The following MACROD2 variants were observed in gnomAD, a reference collection of about 807,000 sequenced individuals.
MACROD2 encodes ADP-ribose glycohydrolase MACROD2.
Under a neutral mutation model 70.4 loss-of-function variants are expected in MACROD2, and 36 were observed. That is an observed-to-expected ratio of 0.51 (90% CI 0.39 to 0.68). MACROD2 has a LOEUF of 0.68. Among genes scored for constraint, MACROD2 ranks in the 30% least tolerant of loss-of-function variants. MACROD2 has a pLI of 0.00. For synonymous variants in MACROD2, 172 were observed against 178.8 expected, an observed-to-expected ratio of 0.96 and a Z score of 0.30; for missense variants, 496 against 538.4, an observed-to-expected ratio of 0.92 and a Z score of 0.78.
intron 5 of MACROD2, among the ~76,000 whole-genome samples, chr20:14,904,367 A>G (rs1179524483): frequency 6.6e-6 from 1 of 152,208 alleles, no homozygotes; most frequent in African/African-American, 2.4e-5. Context: ...TCCATATAAA[A>G]TATCTTTTAT....
chr20:15,601,478 T>A (rs148276116), intron 8 of MACROD2, among the ~76,000 whole-genome samples: 2 of 151,508 alleles, frequency 1.3e-5, no homozygotes, highest in Non-Finnish European at 1.5e-5. Context: ...AAAGAAAAAA[T>A]CATACTTTGT....
chr20:15,584,069 TA>T (rs2048563312), intron 8 of MACROD2, among the ~76,000 whole-genome samples: 1 of 152,246 alleles, frequency 6.6e-6, no homozygotes, highest in Admixed American at 6.5e-5. Context: ...GGTATTACCC[TA>T]AAGAGTCTTC....
chr20:14,476,045 TAAC>T (rs1465280673), intron 3 of MACROD2, among the ~76,000 whole-genome samples: 1 of 151,878 alleles, frequency 6.6e-6, no homozygotes, highest in Non-Finnish European at 1.5e-5. Context: ...GTCATGAGAT[TAAC>T]AACTTTAGAA....
At chr20:14,270,744 G>T (rs1201701312) in intron 3 of MACROD2, among the ~76,000 whole-genome samples, 1 of 152,154 alleles carries the variant, frequency 6.6e-6, no homozygotes, top group Non-Finnish European at 1.5e-5. Context: ...AATAGGAACA[G>T]CTCTGGTCTA....
At chr20:15,659,702 A>G (rs886111889) in intron 8 of MACROD2, among the ~76,000 whole-genome samples, 3 of 152,148 alleles carry the variant, frequency 2.0e-5, no homozygotes, top group African/African-American at 7.2e-5. Flanking sequence ...GAGGCTGGGT[A>G]ATTTATAAAG....
At chr20:15,306,841 G>A (rs6034152) in intron 6 of MACROD2, among the ~76,000 whole-genome samples, 16,746 of 152,110 alleles carry the variant, frequency 0.11, 985 homozygotes, top group Middle Eastern at 0.19. Context: ...AGGAGTAACC[G>A]AGACTGGATA....
intron 3 of MACROD2, among the ~76,000 whole-genome samples, chr20:14,220,732 T>C (rs1601364213): frequency 6.6e-6 from 1 of 152,152 alleles, no homozygotes; most frequent in East Asian, 1.9e-4. Flanking sequence ...TTTGCTTGGC[T>C]CTCCAGATTG....
intron 3 of MACROD2, among the ~76,000 whole-genome samples, chr20:14,319,245 T>G (rs143388888): frequency 1.1e-3 from 161 of 152,316 alleles, no homozygotes; most frequent in African/African-American, 3.7e-3. Flanking sequence ...TCAGTGACTT[T>G]GTTCTCCTAG....
At chr20:14,917,123 G>A (rs2074102020) in intron 5 of MACROD2, among the ~76,000 whole-genome samples, 1 of 151,232 alleles carries the variant, frequency 6.6e-6, no homozygotes, top group Non-Finnish European at 1.5e-5. Flanking sequence ...TGACCCAGGG[G>A]GCTTATTGCT....
At chr20:14,160,217 G>A (rs2055165188) in intron 3 of MACROD2, among the ~76,000 whole-genome samples, 1 of 152,234 alleles carries the variant, frequency 6.6e-6, no homozygotes, top group African/African-American at 2.4e-5. Context: ...TTTGGAATCA[G>A]GATAATGCTG....
chr20:15,814,754 A>G (rs563546540), intron 8 of MACROD2, among the ~76,000 whole-genome samples: 4 of 152,230 alleles, frequency 2.6e-5, no homozygotes, highest in Admixed American at 6.5e-5. Flanking sequence ...TGGGTTATGC[A>G]TTCTCCCTGC....
chr20:14,462,243 G>T (rs1243167188), intron 3 of MACROD2, among the ~76,000 whole-genome samples: 1 of 152,060 alleles, frequency 6.6e-6, no homozygotes. Flanking sequence ...GTGTGAGATG[G>T]TATCTCATTG....
At chr20:15,650,371 C>T (rs184524828) in intron 8 of MACROD2, among the ~76,000 whole-genome samples, 1 of 152,324 alleles carries the variant, frequency 6.6e-6, no homozygotes, top group Admixed American at 6.5e-5. Context: ...AAAAATTATG[C>T]TGCTTTCCAG....
At chr20:15,732,394 G>A (rs2050957206) in intron 8 of MACROD2, among the ~76,000 whole-genome samples, 1 of 152,134 alleles carries the variant, frequency 6.6e-6, no homozygotes, top group African/African-American at 2.4e-5. Context: ...AGGAAATGGA[G>A]CAATGGACAT....
intron 6 of MACROD2, among the ~76,000 whole-genome samples, chr20:15,412,652 C>T (rs401878): frequency 0.93 from 141,800 of 152,254 alleles, 66,532 homozygotes; most frequent in Middle Eastern, 0.97. Flanking sequence ...TTTAAATTAT[C>T]GAGACTGTAG....
intron 5 of MACROD2, among the ~76,000 whole-genome samples, chr20:15,215,657 T>C (rs1261554251): frequency 1.3e-5 from 2 of 152,072 alleles, no homozygotes; most frequent in African/African-American, 4.8e-5. Context: ...GGGCTTGTTA[T>C]TACCAAGTCT....
intron 4 of MACROD2, among the ~76,000 whole-genome samples, chr20:14,629,518 A>C (rs935362883): frequency 1.3e-5 from 2 of 152,224 alleles, no homozygotes; most frequent in African/African-American, 2.4e-5. Context: ...GGAGGATGTT[A>C]AATGCTTTTA....
At chr20:14,655,527 C>G (rs919022107) in intron 4 of MACROD2, among the ~76,000 whole-genome samples, 1 of 152,048 alleles carries the variant, frequency 6.6e-6, no homozygotes, top group African/African-American at 2.4e-5. Flanking sequence ...TGACCTGACT[C>G]TTCTCAAATG....
chr20:15,435,097 C>A (rs1346588435), intron 7 of MACROD2, among the ~76,000 whole-genome samples: 1 of 151,888 alleles, frequency 6.6e-6, no homozygotes, highest in Non-Finnish European at 1.5e-5. Flanking sequence ...GACAGGTACG[C>A]CAATATCTCA....
Sources: allele counts gnomAD v4.1 joint callset (sites outside exome capture counted in the v4.1 genomes callset), GRCh38; gene constraint gnomAD v4.1.1; transcripts MANE v1.5; gene names NCBI Gene and HGNC (gene_info 2026-07-23, HGNC 2026-07-21).